Variants in SPTBN1 observed in about 807,000 individuals in gnomAD.
SPTBN1 encodes spectrin beta chain, non-erythrocytic 1.
Under a neutral mutation model 266.4 loss-of-function variants are expected in SPTBN1, and 32 were observed. The observed-to-expected ratio is 0.12, with a 90% CI of 0.09 to 0.16. The LOEUF (loss-of-function observed/expected upper bound fraction) is 0.16. Ranked by LOEUF, SPTBN1 falls within the 10% of genes least tolerant of loss-of-function variation. The pLI is 1.00. For synonymous variants in SPTBN1, 1,336 were observed against 1,162.2 expected (o/e 1.15, Z -3.04); for missense variants, 2,296 against 3,067.1 (o/e 0.75, Z 5.94).
chr2:54,625,100 C>A, intron 11 of SPTBN1, 138 bp downstream of exon 11: 1 of 982,550 alleles, frequency 1.0e-6, no homozygotes, highest in Non-Finnish European at 1.4e-6. Context: ...ACCTTGGCCC[C>A]TTCCCATTAA....
Position 54,558,726 on chromosome 2 carries a change from G to A in SPTBN1, c.148+32160G>A, listed in dbSNP as rs1232024303. 6 of 1,588,710 alleles carry A rather than the reference G, an allele frequency of 3.8e-6. No individual in the cohort carries two copies. In the South Asian group the frequency reaches 5.7e-5, roughly 15 times the overall value. ...TGCGTGTTGGATGGGAGTGGGAGGG[G>A]GCTGGAGCGAGATTTCCAGGGCGCA... On this transcript the variant is annotated intron_variant, in intron 2 of 35. Coordinates refer to ENST00000356805, the MANE Select transcript of SPTBN1 (RefSeq NM_003128.3). The surrounding 1 kb of genome is among the most constrained non-coding windows in gnomAD (Gnocchi z 4.6).
chr2:54,461,826 C>T (rs12617727), intron 1 of SPTBN1, among the ~76,000 whole-genome samples: 5,458 of 152,160 alleles, frequency 0.036, 274 homozygotes, highest in East Asian at 0.13. Context: ...ACATGTCTTG[C>T]GACAATTACT....
At chr2:54,502,820 TTGTGTG>T (rs891199266) in intron 1 of SPTBN1, among the ~76,000 whole-genome samples, 2 of 152,106 alleles carry the variant, frequency 1.3e-5, no homozygotes, top group Middle Eastern at 3.2e-3. Context: ...TTCCTGGAGA[TTGTGTG>T]AGTGGTGAGC....
intron 2 of SPTBN1, among the ~76,000 whole-genome samples, chr2:54,580,649 A>G (rs1448720358): frequency 6.6e-6 from 1 of 151,920 alleles, no homozygotes; most frequent in Non-Finnish European, 1.5e-5. Context: ...TTGTTTATTG[A>G]TAGAATGGGA....
intron 2 of SPTBN1, among the ~76,000 whole-genome samples, chr2:54,567,107 G>A (rs1673715833): frequency 6.6e-6 from 1 of 152,202 alleles, no homozygotes; most frequent in Non-Finnish European, 1.5e-5. Context: ...GGGAATGCTG[G>A]CTAAGCCAAC....
intron 2 of SPTBN1, among the ~76,000 whole-genome samples, chr2:54,570,707 T>C (rs539858664): frequency 3.3e-5 from 5 of 152,330 alleles, no homozygotes; most frequent in South Asian, 4.1e-4. Flanking sequence ...ACAGCTAAGA[T>C]TGTAGAAGAC....
chr2:54,469,286 C>A (rs1693796736), intron 1 of SPTBN1, among the ~76,000 whole-genome samples: 1 of 152,160 alleles, frequency 6.6e-6, no homozygotes, highest in African/African-American at 2.4e-5. Flanking sequence ...AAAAAAAGCT[C>A]TTTCCAGCAA....
chr2:54,580,872 C>G (rs1447369011), intron 2 of SPTBN1, among the ~76,000 whole-genome samples: 1 of 152,056 alleles, frequency 6.6e-6, no homozygotes, highest in Non-Finnish European at 1.5e-5. Flanking sequence ...CTGAGGCGGA[C>G]TGATCACTTG....
chr2:54,550,168 G>A (rs552307933), intron 2 of SPTBN1, among the ~76,000 whole-genome samples: 27 of 152,336 alleles, frequency 1.8e-4, no homozygotes, highest in African/African-American at 5.8e-4. Flanking sequence ...CTCAGAGGTA[G>A]CTATAGTATT....
At chr2:54,468,364 A>G (rs540436464) in intron 1 of SPTBN1, among the ~76,000 whole-genome samples, 4 of 152,056 alleles carry the variant, frequency 2.6e-5, no homozygotes, top group South Asian at 4.1e-4. Context: ...GTGTGTATAT[A>G]TATTTATTTA....
chr2:54,636,161 T>G (rs574566663), intron 17 of SPTBN1, among the ~76,000 whole-genome samples: 2 of 152,336 alleles, frequency 1.3e-5, no homozygotes, highest in East Asian at 3.9e-4. Context: ...TAAACTATTT[T>G]CATTTAGCAT....
At chr2:54,667,422 T>G (rs1681437265) in intron 34 of SPTBN1, among the ~76,000 whole-genome samples, 182 bp from the exon 35 acceptor site, 1 of 152,166 alleles carries the variant, frequency 6.6e-6, no homozygotes, top group Non-Finnish European at 1.5e-5. Context: ...TATGGCTTCT[T>G]GATCTCCAGG....
intron 1 of SPTBN1, among the ~76,000 whole-genome samples, chr2:54,468,720 G>T (rs1346051754): frequency 1.3e-5 from 2 of 152,186 alleles, no homozygotes; most frequent in African/African-American, 4.8e-5. Context: ...TTTTACAATG[G>T]AAAAATACCA....
rs1244479330 is a variant in SPTBN1, at chr2:54,649,610, T to C, written c.5203-5T>C. On this transcript the variant is annotated splice_region_variant and splice_polypyrimidine_tract_variant and intron_variant, in intron 25 of 35. Transcript: ENST00000356805. The surrounding 1 kb of genome is among the most constrained non-coding windows in gnomAD (Gnocchi z 6.7). ...CTCTGATTTCCTTACCCATCCCCGTTTCAGATGTTACAAGAACGATTCCGG... is the reference window on the plus strand; with the variant it reads ...CTCTGATTTCCTTACCCATCCCCGTCTCAGATGTTACAAGAACGATTCCGG... The C allele has an allele frequency of 6.2e-7, 1 of 1,603,774 alleles. No individual in the cohort carries two copies. The highest frequency in any genetic ancestry group is 2.2e-5 in the East Asian group (1 of 44,562).
intron 1 of SPTBN1, among the ~76,000 whole-genome samples, chr2:54,516,773 A>G (rs1670130659): frequency 6.6e-6 from 1 of 152,240 alleles, no homozygotes; most frequent in Admixed American, 6.5e-5. Context: ...CACCAGTGAC[A>G]TAGCCTCAGG....
chr2:54,566,848 T>A (rs1459504304), intron 2 of SPTBN1, among the ~76,000 whole-genome samples: 5 of 152,042 alleles, frequency 3.3e-5, no homozygotes, highest in Non-Finnish European at 7.4e-5. Flanking sequence ...AAAAGTTTGA[T>A]GATTGTTAAA....
chr2:54,530,353 CT>C (rs549491367), intron 2 of SPTBN1, among the ~76,000 whole-genome samples: 2,525 of 73,618 alleles, frequency 0.034, 15 homozygotes, highest in Admixed American at 0.073. Context: ...TTGTAAAAAA[CT>C]TTTTTTTTTT....
Position 54,540,907 on chromosome 2 carries a change from G to C in SPTBN1, c.148+14341G>C, listed in dbSNP as rs1419175171. Among the ~76,000 whole-genome samples the C allele has an allele frequency of 2.6e-5, 4 of 152,352 alleles. No homozygotes were observed. Among genetic ancestry groups the C allele is most frequent in the African/African-American group, 9.6e-5 (4 of 41,582 alleles). On this transcript the variant is annotated intron_variant, in intron 2 of 35. Coordinates refer to ENST00000356805, the MANE Select transcript of SPTBN1 (RefSeq NM_003128.3). The surrounding 1 kb of genome is among the most constrained non-coding windows in gnomAD (Gnocchi z 5.6). ...AGATTACCTCTATTTTGCTGCAACA[G>C]CCAAAGGCCATTCATCTGCCCCTCA... is the stretch of plus-strand genomic sequence containing the variant.
intron 2 of SPTBN1, among the ~76,000 whole-genome samples, chr2:54,578,774 GTGTGA>G (rs911567492): frequency 1.3e-5 from 2 of 151,890 alleles, no homozygotes; most frequent in African/African-American, 4.8e-5. Flanking sequence ...GTGTGTGTGT[GTGTGA>G]TGATAATTCT....
Sources: allele counts gnomAD v4.1 joint callset (sites outside exome capture counted in the v4.1 genomes callset), GRCh38; gene constraint gnomAD v4.1.1; non-coding constraint Gnocchi (gnomAD v3.1); transcripts MANE v1.5; gene names NCBI Gene and HGNC (gene_info 2026-07-23, HGNC 2026-07-21).